Variants in UNK observed in about 807,000 individuals in gnomAD.
The protein encoded by UNK is unk zinc finger.
A neutral mutation model predicts 97.6 loss-of-function variants in UNK; 32 were observed. The observed-to-expected ratio is 0.33, with a 90% CI of 0.25 to 0.44. The LOEUF is 0.44. UNK is among the 20% of genes least tolerant of loss of function. The pLI is 1.00. For missense variants in UNK, 771 were observed against 1,098.4 expected (o/e 0.70, Z 4.21); for synonymous variants, 441 against 461.2 (o/e 0.96, Z 0.56).
Position 75,824,112 on chromosome 17 carries a change from T to C in UNK, c.2278-150T>C. 1.0e-6 allele frequency: 1 copy of C among 980,290 alleles called. No individual in the cohort carries two copies. The highest frequency in any genetic ancestry group is 2.7e-4 in the Middle Eastern group (1 of 3,692). The allele number at this position is 980,290 out of a possible 1,614,324, so 60.7% of individuals were successfully genotyped here. A position where few individuals can be genotyped will look rare whatever the true frequency, so the allele number is the denominator to read the frequency against. On this transcript the variant is annotated intron_variant, in intron 15 of 15. Transcript: ENST00000589666. The surrounding 1 kb of genome is among the most constrained non-coding windows in gnomAD (Gnocchi z 4.9). ...GCAGAGGTGGACTCAGCCTGCTCTC[T>C]CACCTGCCAACAGGGGTCTGGGAGC...
chr17:75,824,708 C>T lies in UNK; in HGVS notation c.*291C>T, dbSNP rs918301254. 1.9e-5 allele frequency: 3 copies of T among 161,058 alleles called. No homozygotes were observed. Among genetic ancestry groups the T allele is most frequent in the Admixed American group, 6.4e-5 (1 of 15,594 alleles). 10.0% of individuals were successfully genotyped at this position (161,058 alleles called of 1,614,324 possible). A position where few individuals can be genotyped will look rare whatever the true frequency, so the allele number is the denominator to read the frequency against. ...GAAGAAACTATTTTGCAGTCCTCCC[C>T]TACCCACTCCCTGCCCTTCCCACTG... On this transcript the variant is annotated 3_prime_UTR_variant, in exon 16 of 16. Coordinates refer to ENST00000589666, the MANE Select transcript of UNK (RefSeq NM_001080419.3). The surrounding 1 kb of genome is among the most constrained non-coding windows in gnomAD (Gnocchi z 4.9).
intron 15 of UNK, among the ~76,000 whole-genome samples, chr17:75,823,955 C>T (rs1243892695): frequency 6.6e-6 from 1 of 152,206 alleles, no homozygotes; most frequent in Non-Finnish European, 1.5e-5. Flanking sequence ...AGCCAAGCCC[C>T]CGGGTGTGGC....
intron 1 of UNK, chr17:75,793,574 G>C: frequency 2.0e-6 from 2 of 985,268 alleles, no homozygotes; most frequent in Non-Finnish European, 2.4e-6. Context: ...ATTTCTTTAG[G>C]ACATAAAGAA....
chr17:75,804,446 C>A (rs1217879915), intron 1 of UNK, among the ~76,000 whole-genome samples: 1 of 151,906 alleles, frequency 6.6e-6, no homozygotes, highest in African/African-American at 2.4e-5. Flanking sequence ...CAGAGTGAGA[C>A]TCCATCTAAA....
Position 75,816,992 on chromosome 17 carries a change from G to T in UNK, c.1104+80G>T. ...TGCCTCCTAGGCCCTTTCAGCCTGGGCTTGGGAGACCATCCTGGTATTTGT... is the reference window on the plus strand; with the variant it reads ...TGCCTCCTAGGCCCTTTCAGCCTGGTCTTGGGAGACCATCCTGGTATTTGT... On this transcript the variant is annotated intron_variant, in intron 8 of 15. Transcript: ENST00000589666. The surrounding 1 kb of genome is among the most constrained non-coding windows in gnomAD (Gnocchi z 4.0). The T allele has an allele frequency of 6.7e-7, 1 of 1,487,398 alleles. No individual in the cohort carries two copies. Among genetic ancestry groups the T allele is most frequent in the African/African-American group, 1.4e-5 (1 of 72,120 alleles). The allele number at this position is 1,487,398 out of a possible 1,614,324, so 92.1% of individuals were successfully genotyped here. A position where few individuals can be genotyped will look rare whatever the true frequency, so the allele number is the denominator to read the frequency against.
Position 75,809,742 on chromosome 17 carries a change from G to C in UNK, c.105-18G>C. ...ATTCTCTGCTCCCGGCCTGCCCCAC[G>C]CGGGGCTCTCTCTGCAGGTACCTGA... On this transcript the variant is annotated intron_variant, in intron 1 of 15. Transcript: ENST00000589666. 6.3e-7 allele frequency: 1 copy of C among 1,587,172 alleles called. No individual in the cohort carries two copies. The highest frequency in any genetic ancestry group is 8.6e-7 in the Non-Finnish European group (1 of 1,167,430).
chr17:75,788,972 C>T (rs150720696), intron 1 of UNK, among the ~76,000 whole-genome samples: 3 of 152,276 alleles, frequency 2.0e-5, no homozygotes, highest in Non-Finnish European at 4.4e-5. Context: ...ACACTAAAAG[C>T]AAAAAATTAT....
At chr17:75,800,035 T>G (rs2061841463) in intron 1 of UNK, among the ~76,000 whole-genome samples, 1 of 152,220 alleles carries the variant, frequency 6.6e-6, no homozygotes, top group Admixed American at 6.5e-5. Flanking sequence ...AAATCCAGCC[T>G]GCTGCCTGCT....
rs2062029202 is a variant in UNK at position 75,817,596 on chromosome 17, G to A, written c.1305+70G>A. 1 of 1,465,564 alleles carries A rather than the reference G, an allele frequency of 6.8e-7. No homozygotes were observed. The highest frequency in any genetic ancestry group is 1.3e-5 in the South Asian group (1 of 75,076). 90.8% of individuals were successfully genotyped at this position (1,465,564 alleles called of 1,614,324 possible). A position where few individuals can be genotyped will look rare whatever the true frequency, so the allele number is the denominator to read the frequency against. Reference sequence around the variant, plus strand: ...TGGGGCAAGAGAATCTTGGAGGAGTGTCTTGGTCCAGCTACGGGGAGGATG... The same window carrying A: ...TGGGGCAAGAGAATCTTGGAGGAGTATCTTGGTCCAGCTACGGGGAGGATG... On this transcript the variant is annotated intron_variant, in intron 9 of 15. Transcript: ENST00000589666. This position sits in a 1 kb window ranked among gnomAD's most constrained non-coding sequence, Gnocchi z 5.8.
At chr17:75,822,911 C>T (rs1231928117) in intron 14 of UNK, among the ~76,000 whole-genome samples, 1 of 152,234 alleles carries the variant, frequency 6.6e-6, no homozygotes, top group Non-Finnish European at 1.5e-5. Flanking sequence ...CACCTGCCTC[C>T]TCCCAGTAGC....
intron 14 of UNK, 142 bp downstream of exon 14, chr17:75,822,800 C>T: frequency 8.9e-7 from 1 of 1,121,030 alleles, no homozygotes; most frequent in Non-Finnish European, 1.2e-6. Flanking sequence ...CGCTCGCTCT[C>T]CCCCTGGGAG....
chr17:75,822,506 G>C lies in UNK; in HGVS notation c.1867G>C (p.Glu623Gln). 1 of 1,613,512 alleles carries C rather than the reference G, an allele frequency of 6.2e-7. No individual in the cohort carries two copies. The highest frequency in any genetic ancestry group is 8.5e-7 in the Non-Finnish European group (1 of 1,179,730). Residue 623 changes from glutamate to glutamine, a missense_variant, in exon 14 of 16, where the codon GAG (glutamate) becomes CAG (glutamine). Glu to Gln is a conservative substitution (Grantham distance 29). Transcript: ENST00000589666. The part of the protein sequence containing the change: ...GLNGMNSSIW[E>Q]HFASGSFSPG... ...GAACGGGATGAACAGCAGCATCTGG[G>C]AGCATTTTGCCTCTGGAAGCTTCTC...
At position 75,817,188 on chromosome 17, in the gene UNK, G is replaced by A. The variant is rs1194008021; in HGVS notation, c.1105-138G>A. 9.1e-6 allele frequency: 10 copies of A among 1,097,804 alleles called. No individual in the cohort carries two copies. Among genetic ancestry groups the A allele is most frequent in the Admixed American group, 2.7e-5 (1 of 36,664 alleles). The allele number at this position is 1,097,804 out of a possible 1,614,324, so 68.0% of individuals were successfully genotyped here. A position where few individuals can be genotyped will look rare whatever the true frequency, so the allele number is the denominator to read the frequency against. On this transcript the variant is annotated intron_variant, in intron 8 of 15. Coordinates refer to ENST00000589666, the MANE Select transcript of UNK (RefSeq NM_001080419.3). The surrounding 1 kb of genome is among the most constrained non-coding windows in gnomAD (Gnocchi z 5.8). Reference sequence around the variant, plus strand: ...TTCCTTCGTGAGCTTCGGGCTCCCCGAGTGGTCACTGCTGCTCGTTGGCAG... The same window carrying A: ...TTCCTTCGTGAGCTTCGGGCTCCCCAAGTGGTCACTGCTGCTCGTTGGCAG...
chr17:75,792,534 T>G, intron 1 of UNK: 1 of 963,492 alleles, frequency 1.0e-6, no homozygotes, highest in Non-Finnish European at 1.2e-6. Context: ...GCCTAATTGC[T>G]AACAATGCCA....
intron 1 of UNK, among the ~76,000 whole-genome samples, chr17:75,796,425 C>T (rs2061806505): frequency 6.6e-6 from 1 of 151,474 alleles, no homozygotes; most frequent in South Asian, 2.1e-4. Context: ...CTCAAATGAT[C>T]CTCTCACTTC....
intron 1 of UNK, among the ~76,000 whole-genome samples, chr17:75,786,188 T>A (rs1407299751): frequency 2.0e-5 from 3 of 152,232 alleles, no homozygotes; most frequent in African/African-American, 7.2e-5. Flanking sequence ...ATATGGACAT[T>A]GCTTTCCTGG....
intron 1 of UNK, chr17:75,792,329 A>G: frequency 1.0e-6 from 1 of 985,386 alleles, no homozygotes; most frequent in Non-Finnish European, 1.2e-6. Context: ...TTGATACTAA[A>G]GGAGGTTTTC....
chr17:75,785,003 C>CA lies in UNK; in HGVS notation c.104+19_104+20insA. 5.0e-6 allele frequency: 7 copies of CA among 1,403,332 alleles called. No individual in the cohort carries two copies. Among genetic ancestry groups the CA allele is most frequent in the Non-Finnish European group, 6.5e-6 (7 of 1,075,208 alleles). The allele number at this position is 1,403,332 out of a possible 1,614,324, so 86.9% of individuals were successfully genotyped here. ...ACTACACGTACGTAGAGCCCCCCCC[C>CA]CCCCGCCGCGCGCGCACGCCTGACG... On this transcript the variant is annotated intron_variant, in intron 1 of 15. Coordinates refer to ENST00000589666, the MANE Select transcript of UNK (RefSeq NM_001080419.3).
rs746124969 is a variant in UNK at position 75,784,870 on chromosome 17, A to G, written c.-11A>G. On this transcript the variant is annotated 5_prime_UTR_variant, in exon 1 of 16. Transcript: ENST00000589666. The stretch of plus-strand genomic sequence containing the variant: ...AAAAGGGGAGCGGCGAAGAGGCAGG[A>G]AGACAAGACCATGTCGAAGGGCCCC... The G allele has an allele frequency of 1.1e-5, 17 of 1,601,974 alleles. 1 individual carries two copies. In the South Asian group the frequency reaches 1.9e-4, roughly 18 times the overall value.
Sources: gnomAD v4.1 joint callset for allele counts (sites outside exome capture counted in the v4.1 genomes callset) on GRCh38, gnomAD v4.1.1 for gene constraint, Gnocchi (gnomAD v3.1) non-coding constraint, MANE v1.5 for transcripts, NCBI Gene and HGNC (gene_info 2026-07-23, HGNC 2026-07-21) for gene names.